The following ANO4 variants were observed in gnomAD, a reference collection of about 807,000 sequenced individuals.
ANO4 encodes the protein anoctamin-4.
A neutral mutation model predicts 141.9 loss-of-function variants in ANO4; 69 were observed. The ratio of observed to expected loss-of-function variants is 0.49; its 90% CI spans 0.40 to 0.59. ANO4 has a LOEUF of 0.59. Ranked by LOEUF, ANO4 falls within the 20% of genes least tolerant of loss-of-function variation. The pLI, the probability that ANO4 is intolerant of heterozygous loss-of-function variation, is 0.00. For synonymous variants in ANO4, 350 were observed against 394.3 expected (o/e 0.89, Z 1.33); for missense variants, 894 against 1,162.2 (o/e 0.77, Z 3.36).
chr12:100,772,997 G>C (rs946883968), intron 3 of ANO4, among the ~76,000 whole-genome samples: 8 of 152,126 alleles, frequency 5.3e-5, no homozygotes, highest in African/African-American at 1.7e-4. Flanking sequence ...ATTTGAGGTG[G>C]TCTTAGCCCA....
At chr12:100,841,377 C>A (rs750602120) in intron 1 of ANO4, among the ~76,000 whole-genome samples, 1 of 152,044 alleles carries the variant, frequency 6.6e-6, no homozygotes, top group Non-Finnish European at 1.5e-5. Context: ...GTACCTGGTA[C>A]GGTGGATAAG....
rs1877877 is a variant in ANO4 at position 100,733,820 on chromosome 12, G to A, written c.69G>A (p.Thr23=). 8.0e-3 allele frequency: 5,635 copies of A among 702,054 alleles called. 196 individuals carry two copies. The East Asian group carries it at 0.093, about 12-fold the overall frequency. 43.5% of individuals were successfully genotyped at this position (702,054 alleles called of 1,614,324 possible). A position where few individuals can be genotyped will look rare whatever the true frequency, so the allele number is the denominator to read the frequency against. Residue 23 remains threonine, a synonymous_variant, in exon 2 of 30, where the codon ACG becomes ACA. Transcript: ENST00000644049. ...GTTATAACCTTTCCTCTGCAACGAC[G>A]GGCAGCTACTACAGTTGTGTCAGCC...
At chr12:101,078,799 C>A (rs2049127907) in intron 14 of ANO4, among the ~76,000 whole-genome samples, 1 of 152,012 alleles carries the variant, frequency 6.6e-6, no homozygotes, top group Non-Finnish European at 1.5e-5. Context: ...AAAATAAGTG[C>A]TTGCTTACCC....
At chr12:100,831,793 T>C (rs1330471665) in intron 1 of ANO4, among the ~76,000 whole-genome samples, 3 of 152,122 alleles carry the variant, frequency 2.0e-5, no homozygotes, top group African/African-American at 7.2e-5. Flanking sequence ...GCTGTGACCC[T>C]TTGAACAAGC....
intron 5 of ANO4, among the ~76,000 whole-genome samples, chr12:100,969,392 A>G (rs1210308181): frequency 6.6e-6 from 1 of 152,166 alleles, no homozygotes; most frequent in Non-Finnish European, 1.5e-5. Flanking sequence ...AGTGCCTCCC[A>G]CTACTGATGG....
At chr12:100,906,345 A>G (rs563898587) in intron 2 of ANO4, among the ~76,000 whole-genome samples, 1 of 152,288 alleles carries the variant, frequency 6.6e-6, no homozygotes, top group Non-Finnish European at 1.5e-5. Context: ...AAATTCCCAG[A>G]GGGTTCAAAA....
chr12:100,743,039 G>A (rs1368226292), intron 3 of ANO4, among the ~76,000 whole-genome samples: 2 of 151,448 alleles, frequency 1.3e-5, no homozygotes, highest in Admixed American at 6.6e-5. Flanking sequence ...TATACACTAA[G>A]TTACCACTCC....
chr12:101,020,809 A>G (rs2046494295), intron 9 of ANO4, among the ~76,000 whole-genome samples: 1 of 152,220 alleles, frequency 6.6e-6, no homozygotes, highest in Non-Finnish European at 1.5e-5. Flanking sequence ...TTCCTGCCTT[A>G]TTAAACAGAT....
chr12:100,777,092 A>AT (rs34753022), intron 3 of ANO4, among the ~76,000 whole-genome samples: 1,459 of 128,620 alleles, frequency 0.011, 23 homozygotes, highest in Admixed American at 0.056. Context: ...AGATATCCTG[A>AT]TTTTTTTTTT....
chr12:100,757,909 C>T (rs189197093), intron 3 of ANO4, among the ~76,000 whole-genome samples: 1 of 152,262 alleles, frequency 6.6e-6, no homozygotes, highest in African/African-American at 2.4e-5. Context: ...ACTCTTTTCG[C>T]CCATCTGCTA....
chr12:100,774,108 G>A (rs4764993), intron 3 of ANO4, among the ~76,000 whole-genome samples: 101,829 of 152,012 alleles, frequency 0.67, 34,275 homozygotes, highest in East Asian at 0.79. Context: ...GTCCTCTTAT[G>A]TAAAAATTTG....
chr12:100,837,264 CAACAACCATA>C (rs200234302), intron 1 of ANO4, among the ~76,000 whole-genome samples: 7,149 of 152,186 alleles, frequency 0.047, 231 homozygotes, highest in Middle Eastern at 0.095. Context: ...TTTAATCCTA[CAACAACCATA>C]TGAGATAAAT....
At position 100,801,474 on chromosome 12, in the gene ANO4, T is replaced by C. The variant is rs80032595; in HGVS notation, c.-141+6447T>C. Among the ~76,000 whole-genome samples, 38 of 151,584 alleles carry C rather than the reference T, an allele frequency of 2.5e-4. 1 individual carries two copies. The East Asian group carries it at 7.4e-3, about 30-fold the overall frequency. ...TTAAGTGCCTTCTATAAGCAAAGCA[T>C]TGCATTAAGTACCAAGGAATGAAAG... On this transcript the variant is annotated intron_variant, in intron 1 of 27. Transcript: ENST00000392977.
intron 1 of ANO4, among the ~76,000 whole-genome samples, chr12:100,842,522 T>C (rs1029300057): frequency 1.3e-5 from 2 of 152,128 alleles, no homozygotes; most frequent in African/African-American, 4.8e-5. Flanking sequence ...CTTAGTTTAC[T>C]TCTAATTTTA....
intron 23 of ANO4, 113 bp downstream of exon 23, chr12:101,110,669 C>A (rs2050628555): frequency 4.1e-6 from 4 of 973,122 alleles, no homozygotes; most frequent in South Asian, 7.1e-5. Flanking sequence ...ATATAATTCA[C>A]CTAATTTTTG....
chr12:101,006,325 G>A (rs2045870032), intron 8 of ANO4, among the ~76,000 whole-genome samples: 1 of 151,964 alleles, frequency 6.6e-6, no homozygotes, highest in Non-Finnish European at 1.5e-5. Context: ...CATCATTACT[G>A]TCAAATACAC....
In ANO4 at chr12:100,801,708, T is replaced by C. The variant is rs374391102; in HGVS notation, c.-141+6681T>C. On this transcript the variant is annotated intron_variant, in intron 1 of 27. Transcript: ENST00000392977. ...GAGAAGGAACTTAAAGTTATGATGG[T>C]CGTGCCAGCAATCAGGTGACTTTGA... Among the ~76,000 whole-genome samples the C allele has an allele frequency of 4.9e-4, 62 of 127,430 alleles. 1 individual carries two copies. The South Asian group carries it at 0.016, about 33-fold the overall frequency. The allele number at this position is 127,430 out of a possible 152,430, so 83.6% of individuals were successfully genotyped here.
At chr12:101,103,302 A>G (rs1379252364) in intron 22 of ANO4, among the ~76,000 whole-genome samples, 2 of 146,166 alleles carry the variant, frequency 1.4e-5, no homozygotes, top group African/African-American at 5.1e-5. Flanking sequence ...ACTGGACATC[A>G]TTGTTTCTGA....
chr12:101,051,089 T>A (rs1250012215), intron 14 of ANO4, among the ~76,000 whole-genome samples: 2 of 152,218 alleles, frequency 1.3e-5, no homozygotes, highest in Non-Finnish European at 2.9e-5. Flanking sequence ...TGATGACATT[T>A]GTTCATAAGG....
Sources: gnomAD v4.1 joint callset for allele counts (sites outside exome capture counted in the v4.1 genomes callset) on GRCh38, gnomAD v4.1.1 for gene constraint, MANE v1.5 for transcripts, NCBI Gene and HGNC (gene_info 2026-07-23, HGNC 2026-07-21) for gene names.